The following SORT1 variants were observed in gnomAD, a reference collection of about 807,000 sequenced individuals.
SORT1 encodes the protein sortilin.
Under a neutral mutation model 101.7 loss-of-function variants are expected in SORT1, and 39 were observed. That is an observed-to-expected ratio of 0.38 (90% CI 0.30 to 0.50). The LOEUF is 0.50. Among genes scored for constraint, SORT1 ranks in the 20% least tolerant of loss-of-function variants. The pLI is 0.90. For missense variants in SORT1, 878 were observed against 1,040.4 expected (o/e 0.84, Z 2.15); for synonymous variants, 396 against 393.7 (o/e 1.01, Z -0.07).
intron 7 of SORT1, among the ~76,000 whole-genome samples, chr1:109,346,174 G>C (rs191483332): frequency 2.0e-5 from 3 of 151,840 alleles, no homozygotes; most frequent in African/African-American, 7.3e-5. Flanking sequence ...TTAGCCAGGC[G>C]TGGTGGTGGG....
At chr1:109,387,016 T>C (rs955569047) in intron 1 of SORT1, among the ~76,000 whole-genome samples, 1 of 152,216 alleles carries the variant, frequency 6.6e-6, no homozygotes, top group Non-Finnish European at 1.5e-5. Flanking sequence ...TTTGGTCAGG[T>C]GCAGTGGCTC....
intron 14 of SORT1, among the ~76,000 whole-genome samples, 186 bp downstream of exon 14, chr1:109,324,713 C>T (rs925608560): frequency 6.6e-6 from 1 of 152,154 alleles, no homozygotes; most frequent in Admixed American, 6.5e-5. Context: ...ACAGTGCTAG[C>T]ACCGAGGAGG....
intron 8 of SORT1, among the ~76,000 whole-genome samples, chr1:109,345,423 G>A (rs977867572): frequency 2.6e-5 from 4 of 152,064 alleles, no homozygotes; most frequent in African/African-American, 7.3e-5. Context: ...GTTGAGGCAG[G>A]TGAATTGCTT....
chr1:109,357,319 C>T (rs1397035605), intron 3 of SORT1, among the ~76,000 whole-genome samples: 3 of 152,184 alleles, frequency 2.0e-5, no homozygotes, highest in South Asian at 2.1e-4. Context: ...CATCATTAAG[C>T]GAAGCTTGAA....
At chr1:109,325,189 C>G in intron 13 of SORT1, 100 bp from the exon 14 acceptor site, 1 of 613,378 alleles carries the variant, frequency 1.6e-6, no homozygotes, top group Non-Finnish European at 2.7e-6. Flanking sequence ...GACAAAACCC[C>G]TTACATTTAG....
At chr1:109,390,320 C>A (rs1652822297) in intron 1 of SORT1, among the ~76,000 whole-genome samples, 2 of 152,200 alleles carry the variant, frequency 1.3e-5, no homozygotes, top group African/African-American at 4.8e-5. Context: ...CCACTCAGTA[C>A]ATGGCAGGCA....
chr1:109,327,453 C>G (rs1648154807), intron 12 of SORT1, 46 bp downstream of exon 12: 2 of 1,227,786 alleles, frequency 1.6e-6, no homozygotes, highest in Admixed American at 2.0e-5. Flanking sequence ...TTTCAGTGTG[C>G]TCAGCCACTG....
rs751533405 is a variant in SORT1, at chr1:109,354,412, C to A, written c.663G>T (p.Met221Ile). 1.2e-6 allele frequency: 2 copies of A among 1,613,506 alleles called. No individual in the cohort carries two copies. Among genetic ancestry groups the A allele is most frequent in the African/African-American group, 1.3e-5 (1 of 74,912 alleles). The change falls in exon 5 of 20, where the codon ATG (methionine) becomes ATT (isoleucine). Residue 221 changes from methionine (M) to isoleucine (I), a missense_variant. This residue lies in a region of SORT1 where 684 missense variants were observed against 894.5 expected (regional missense o/e 0.76). Coordinates refer to ENST00000256637, the MANE Select transcript of SORT1 (RefSeq NM_002959.7). Reference sequence around the variant, plus strand: ...GATAATCAGAATTCTGAGGGCTATACATCATCTGAGTGAGAGGATGAAAAG... The same window carrying A: ...GATAATCAGAATTCTGAGGGCTATAAATCATCTGAGTGAGAGGATGAAAAG... ...DLPFHPLTQM[M>I]YSPQNSDYLL... is the part of the protein sequence containing the mutation.
intron 10 of SORT1, among the ~76,000 whole-genome samples, chr1:109,340,112 G>A (rs1390376621): frequency 5.2e-5 from 7 of 134,048 alleles, no homozygotes; most frequent in African/African-American, 1.1e-4. Flanking sequence ...TCACGCCACC[G>A]CACTCCAGTC....
Position 109,324,413 on chromosome 1 carries a change from G to C in SORT1, c.1834+486C>G, listed in dbSNP as rs572947263. Reference sequence around the variant, plus strand: ...GGCCTCTCAAAGTGCTAGGATTACAGGCATGAGCCACCGCGCCTGGCCATT... The same window carrying C: ...GGCCTCTCAAAGTGCTAGGATTACACGCATGAGCCACCGCGCCTGGCCATT... On this transcript the variant is annotated intron_variant, in intron 14 of 19. Transcript: ENST00000256637. Among the ~76,000 whole-genome samples the C allele has an allele frequency of 4.6e-5, 7 of 152,270 alleles. No individual in the cohort carries two copies. In the East Asian group the frequency reaches 1.3e-3, roughly 29 times the overall value.
intron 14 of SORT1, among the ~76,000 whole-genome samples, chr1:109,323,777 T>C (rs1647799508): frequency 6.6e-6 from 1 of 152,224 alleles, no homozygotes; most frequent in South Asian, 2.1e-4. Context: ...GCATACAGCC[T>C]GCTAAAGAGC....
chr1:109,318,710 A>G (rs1647412845), intron 15 of SORT1, among the ~76,000 whole-genome samples: 1 of 151,944 alleles, frequency 6.6e-6, no homozygotes, highest in Non-Finnish European at 1.5e-5. Flanking sequence ...CCCAGGCTGG[A>G]GTACAGCGGC....
At chr1:109,376,270 G>T (rs1210415158) in intron 1 of SORT1, among the ~76,000 whole-genome samples, 1 of 149,364 alleles carries the variant, frequency 6.7e-6, no homozygotes. Context: ...GGCGGAGCTT[G>T]CAGTGAGCCG....
chr1:109,338,504 C>T (rs995144995), intron 10 of SORT1, among the ~76,000 whole-genome samples: 1 of 152,108 alleles, frequency 6.6e-6, no homozygotes, highest in Non-Finnish European at 1.5e-5. Flanking sequence ...ATTTGTATAA[C>T]TGGGCCTAAG....
intron 1 of SORT1, among the ~76,000 whole-genome samples, chr1:109,381,979 AG>A (rs1230106688): frequency 3.3e-5 from 5 of 152,144 alleles, no homozygotes; most frequent in African/African-American, 1.2e-4. Flanking sequence ...GTTTTTCTAG[AG>A]TGCATAAATT....
chr1:109,352,456 A>G (rs1477097973), intron 5 of SORT1, among the ~76,000 whole-genome samples: 1 of 152,232 alleles, frequency 6.6e-6, no homozygotes, highest in Non-Finnish European at 1.5e-5. Flanking sequence ...GCAGAGACTT[A>G]ACAAAATTCT....
At chr1:109,339,604 A>G (rs1649075145) in intron 10 of SORT1, among the ~76,000 whole-genome samples, 1 of 152,236 alleles carries the variant, frequency 6.6e-6, no homozygotes. Context: ...ATGTGTTTGC[A>G]ATGAAGTAGA....
chr1:109,369,560 T>C lies in SORT1; in HGVS notation c.336A>G (p.Val112=). Residue 112 remains valine, a synonymous_variant, in exon 2 of 20, where the codon GTA becomes GTG. Transcript: ENST00000256637. ...QHVFDDLRGS[V]SLSWVGDSTG... ...TGCTATCTCCAACCCAGGACAAGGA[T>C]ACTGAGCCTCTGAGATCATCAAACA... 1 of 1,610,524 alleles carries C rather than the reference T, an allele frequency of 6.2e-7. No homozygotes were observed. Among genetic ancestry groups the C allele is most frequent in the Non-Finnish European group, 8.5e-7 (1 of 1,176,756 alleles).
intron 1 of SORT1, among the ~76,000 whole-genome samples, chr1:109,394,175 T>A (rs1033239648): frequency 6.6e-6 from 1 of 152,178 alleles, no homozygotes; most frequent in Non-Finnish European, 1.5e-5. Context: ...TCCTTCGTTT[T>A]CTTGTCATCC....
Sources: gnomAD v4.1 joint callset for allele counts (sites outside exome capture counted in the v4.1 genomes callset) on GRCh38, gnomAD v4.1.1 for gene constraint, gnomAD v4.1.1 regional missense constraint, MANE v1.5 for transcripts, NCBI Gene and HGNC (gene_info 2026-07-23, HGNC 2026-07-21) for gene names.